TULP3: variants seen among roughly 807,000 people sequenced by gnomAD.
The protein encoded by TULP3 is TUB like protein 3, also known as tubby-related protein 3.
Under a neutral mutation model 50.7 loss-of-function variants are expected in TULP3, and 38 were observed. That is an observed-to-expected ratio of 0.75 (90% CI 0.58 to 0.98). TULP3 has a LOEUF of 0.98. Ranked by LOEUF, TULP3 falls within the 50% of genes least tolerant of loss-of-function variation. TULP3 has a pLI of 0.00. For missense variants in TULP3, 550 were observed against 568.0 expected (o/e 0.97, Z 0.32); for synonymous variants, 183 against 196.6 (o/e 0.93, Z 0.58).
chr12:2,910,958 A>G (rs1202538490), intron 2 of TULP3, among the ~76,000 whole-genome samples: 1 of 152,170 alleles, frequency 6.6e-6, no homozygotes, highest in East Asian at 1.9e-4. Context: ...ATTCATTTTT[A>G]TTCTTAGGCA....
chr12:2,930,125 A>G, intron 4 of TULP3, 123 bp from the exon 5 acceptor site: 1 of 669,680 alleles, frequency 1.5e-6, no homozygotes, highest in East Asian at 2.9e-5. Flanking sequence ...TTTGGACAAA[A>G]TAGTTGTGTT....
intron 1 of TULP3, among the ~76,000 whole-genome samples, chr12:2,901,926 T>C (rs958487754): frequency 9.2e-5 from 14 of 152,344 alleles, no homozygotes; most frequent in African/African-American, 2.4e-4. Flanking sequence ...TTCTAAAGGA[T>C]GTTAGTCAAT....
intron 4 of TULP3, among the ~76,000 whole-genome samples, chr12:2,928,163 G>A (rs1250212563): frequency 1.3e-5 from 2 of 152,168 alleles, no homozygotes; most frequent in Admixed American, 1.3e-4. Flanking sequence ...TCCTATAAAA[G>A]ATGCTCCATA....
At chr12:2,919,402 C>A (rs1429604269) in intron 2 of TULP3, among the ~76,000 whole-genome samples, 1 of 152,134 alleles carries the variant, frequency 6.6e-6, no homozygotes, top group African/African-American at 2.4e-5. Context: ...AATCTTTTCC[C>A]TCTATATGCA....
At chr12:2,919,795 CT>C (rs562166942) in intron 2 of TULP3, among the ~76,000 whole-genome samples, 10 of 151,774 alleles carry the variant, frequency 6.6e-5, no homozygotes, top group Non-Finnish European at 1.2e-4. Flanking sequence ...TGTTTCCTGA[CT>C]TTTCTTGCTA....
chr12:2,926,343 A>G (rs899385121), intron 4 of TULP3, among the ~76,000 whole-genome samples: 4 of 152,086 alleles, frequency 2.6e-5, no homozygotes, highest in Non-Finnish European at 5.9e-5. Context: ...CTACAAAAAA[A>G]TTACCTGGAC....
At chr12:2,911,820 C>G (rs1364872202) in intron 2 of TULP3, among the ~76,000 whole-genome samples, 1 of 150,594 alleles carries the variant, frequency 6.6e-6, no homozygotes, top group Non-Finnish European at 1.5e-5. Flanking sequence ...TGTATACATT[C>G]TGGTGTTAAA....
intron 4 of TULP3, among the ~76,000 whole-genome samples, chr12:2,925,764 A>T (rs2098194347): frequency 6.6e-6 from 1 of 152,182 alleles, no homozygotes; most frequent in Admixed American, 6.6e-5. Context: ...ACCAAAGCTA[A>T]ATTACTCACC....
At chr12:2,892,732 G>A (rs1412294332) in intron 1 of TULP3, among the ~76,000 whole-genome samples, 1 of 151,996 alleles carries the variant, frequency 6.6e-6, no homozygotes, top group East Asian at 1.9e-4. Context: ...AGATGGTCTC[G>A]ATTTCTTGAC....
At chr12:2,896,608 A>G (rs535458740) in intron 1 of TULP3, among the ~76,000 whole-genome samples, 3 of 152,350 alleles carry the variant, frequency 2.0e-5, no homozygotes, top group South Asian at 4.1e-4. Context: ...TGTAGAAAAT[A>G]AGGCTGTAAC....
At chr12:2,892,624 G>C (rs560181860) in intron 1 of TULP3, among the ~76,000 whole-genome samples, 1 of 152,020 alleles carries the variant, frequency 6.6e-6, no homozygotes, top group African/African-American at 2.4e-5. Context: ...TGATTCTCCT[G>C]CCTCAGCCTC....
At chr12:2,918,346 AG>A (rs955314229) in intron 2 of TULP3, among the ~76,000 whole-genome samples, 1 of 151,760 alleles carries the variant, frequency 6.6e-6, no homozygotes, top group African/African-American at 2.4e-5. Context: ...TCCTGACCTC[AG>A]GTAATCCGCC....
Position 2,936,131 on chromosome 12 carries a change from G to A in TULP3, c.925-1500G>A, listed in dbSNP as rs185938763. ...AAAATACAAAAAAAATTAGCCAGGC[G>A]TGGTGGCAGGCACCTGTAATCCCAG... On this transcript the variant is annotated intron_variant, in intron 8 of 10. Transcript: ENST00000448120. Among the ~76,000 whole-genome samples the A allele has an allele frequency of 7.0e-3, 1,065 of 152,106 alleles. 6 individuals are homozygous for A. The highest frequency in any genetic ancestry group is 9.4e-3 in the Non-Finnish European group (640 of 68,002).
At chr12:2,927,436 G>A (rs1247003609) in intron 4 of TULP3, among the ~76,000 whole-genome samples, 3 of 142,304 alleles carry the variant, frequency 2.1e-5, no homozygotes, top group Admixed American at 1.5e-4. Flanking sequence ...ATGTGATCTC[G>A]GCTCACTGCA....
intron 1 of TULP3, among the ~76,000 whole-genome samples, chr12:2,901,044 T>C (rs12814976): frequency 0.48 from 72,490 of 151,668 alleles, 17,792 homozygotes; most frequent in African/African-American, 0.6. Context: ...TAATGACTAA[T>C]CATATTGGAT....
In TULP3 at chr12:2,931,187, C is replaced by A; in HGVS notation, c.643C>A (p.Arg215=). 1 of 1,614,134 alleles carries A rather than the reference C, an allele frequency of 6.2e-7. No individual in the cohort carries two copies. The highest frequency in any genetic ancestry group is 8.5e-7 in the Non-Finnish European group (1 of 1,180,018). The change falls in exon 6 of 11, where the codon CGG becomes AGG. Residue 215 remains arginine (R), a synonymous_variant. Coordinates refer to ENST00000448120, the MANE Select transcript of TULP3 (RefSeq NM_003324.5). ...RIIRDKRGMD[R]GLFPTYYMYL... Reference sequence around the variant, plus strand: ...AATCCGGGATAAAAGGGGAATGGATCGGGGTCTCTTCCCCACCTACTATAT... The same window carrying A: ...AATCCGGGATAAAAGGGGAATGGATAGGGGTCTCTTCCCCACCTACTATAT...
rs1175141742 is a variant in TULP3, at chr12:2,905,243, T to G, written c.42-4286T>G. ...GCTCTCTTGCCAGGCTGGAGTGCAG[T>G]GGCGTGATCTTGGCTCACTGCAACC... On this transcript the variant is annotated intron_variant, in intron 1 of 10. Transcript: ENST00000448120. 4.7e-5 allele frequency among the ~76,000 whole-genome samples: 7 copies of G among 149,232 alleles called. No homozygotes were observed. In the Admixed American group the frequency reaches 4.7e-4, roughly 10 times the overall value.
intron 1 of TULP3, among the ~76,000 whole-genome samples, chr12:2,909,268 C>G (rs2098184068): frequency 6.6e-6 from 1 of 152,106 alleles, no homozygotes; most frequent in South Asian, 2.1e-4. Context: ...AAAAGGAAAT[C>G]CCTGCATGCG....
At chr12:2,929,333 C>T (rs536263994) in intron 4 of TULP3, among the ~76,000 whole-genome samples, 5 of 152,100 alleles carry the variant, frequency 3.3e-5, no homozygotes, top group African/African-American at 4.8e-5. Context: ...AAAAAGAGTT[C>T]GGGTGTAATT....
Sources: allele counts gnomAD v4.1 joint callset (sites outside exome capture counted in the v4.1 genomes callset), GRCh38; gene constraint gnomAD v4.1.1; transcripts MANE v1.5; gene names NCBI Gene and HGNC (gene_info 2026-07-23, HGNC 2026-07-21).